Variants in CNTNAP2 observed in about 807,000 individuals in gnomAD.
CNTNAP2 encodes the protein contactin-associated protein-like 2.
Under a neutral mutation model 155.2 loss-of-function variants are expected in CNTNAP2, and 98 were observed. The observed-to-expected ratio is 0.63, with a 90% CI of 0.54 to 0.75. CNTNAP2 has a LOEUF of 0.75. Ranked by LOEUF, CNTNAP2 falls within the 30% of genes least tolerant of loss-of-function variation. The probability of loss-of-function intolerance (pLI) is 0.00; values close to 1 mark genes in which losing one functional copy is unlikely to be tolerated. For missense variants in CNTNAP2, 1,727 were observed against 1,688.1 expected (o/e 1.02, Z -0.40); for synonymous variants, 651 against 631.2 (o/e 1.03, Z -0.47).
intron 11 of CNTNAP2, among the ~76,000 whole-genome samples, chr7:147,511,750 C>CA (rs1403206585): frequency 1.3e-5 from 2 of 151,818 alleles, no homozygotes; most frequent in Non-Finnish European, 2.9e-5. Flanking sequence ...AACAAAACGA[C>CA]AAAGATCAGA....
At chr7:148,179,749 GGA>G (rs1164902709) in intron 18 of CNTNAP2, among the ~76,000 whole-genome samples, 3 of 150,724 alleles carry the variant, frequency 2.0e-5, no homozygotes, top group African/African-American at 7.3e-5. Context: ...AAGGAAGGAA[GGA>G]GAGAGAGAGA....
chr7:147,259,795 A>G (rs1292385390), intron 8 of CNTNAP2, among the ~76,000 whole-genome samples: 1 of 152,246 alleles, frequency 6.6e-6, no homozygotes, highest in Non-Finnish European at 1.5e-5. Flanking sequence ...AATTTAAAAC[A>G]CCTAGAGAAG....
chr7:148,245,847 A>G (rs1796252573), intron 20 of CNTNAP2, among the ~76,000 whole-genome samples: 1 of 152,152 alleles, frequency 6.6e-6, no homozygotes, highest in Non-Finnish European at 1.5e-5. Flanking sequence ...GTCACAAAAG[A>G]AGCGAATGTC....
At chr7:147,579,362 A>G (rs1000097295) in intron 12 of CNTNAP2, among the ~76,000 whole-genome samples, 1 of 152,172 alleles carries the variant, frequency 6.6e-6, no homozygotes, top group African/African-American at 2.4e-5. Flanking sequence ...CTTATGTTTC[A>G]GGCATAGGTA....
chr7:148,233,327 A>C (rs1341099373), intron 20 of CNTNAP2, among the ~76,000 whole-genome samples: 1 of 151,984 alleles, frequency 6.6e-6, no homozygotes, highest in African/African-American at 2.4e-5. Flanking sequence ...AAGGGATCTA[A>C]GGGGGTTTAC....
intron 3 of CNTNAP2, among the ~76,000 whole-genome samples, chr7:146,929,526 G>C (rs1043111724): frequency 6.6e-6 from 1 of 152,186 alleles, no homozygotes; most frequent in Non-Finnish European, 1.5e-5. Context: ...CTGAAAAGCA[G>C]AGCGCCTCTC....
chr7:146,469,932 C>T (rs541901615), intron 1 of CNTNAP2, among the ~76,000 whole-genome samples: 117 of 151,494 alleles, frequency 7.7e-4, no homozygotes, highest in African/African-American at 2.6e-3. Context: ...CTCCGCCTCA[C>T]GGGTTCACGC....
chr7:148,411,556 G>A (rs777793408), intron 23 of CNTNAP2, among the ~76,000 whole-genome samples: 4 of 152,094 alleles, frequency 2.6e-5, no homozygotes, highest in South Asian at 2.1e-4. Context: ...GTGAGCCACC[G>A]TGCCCGGCCC....
At chr7:146,631,296 C>A (rs1799507259) in intron 1 of CNTNAP2, among the ~76,000 whole-genome samples, 1 of 152,058 alleles carries the variant, frequency 6.6e-6, no homozygotes, top group Non-Finnish European at 1.5e-5. Flanking sequence ...TTGAAATGGT[C>A]AATTGAAATC....
At chr7:146,354,459 G>A (rs1030710916) in intron 1 of CNTNAP2, among the ~76,000 whole-genome samples, 10 of 137,316 alleles carry the variant, frequency 7.3e-5, no homozygotes, top group East Asian at 2.1e-4. Flanking sequence ...CTGTCGCCCC[G>A]CCTGGAGTGC....
intron 3 of CNTNAP2, among the ~76,000 whole-genome samples, chr7:146,882,710 G>A (rs967618494): frequency 9.2e-5 from 14 of 152,162 alleles, no homozygotes; most frequent in African/African-American, 3.4e-4. Flanking sequence ...TAATGGGATT[G>A]CTGAGCTGAA....
At chr7:146,856,132 C>G (rs1204953202) in intron 3 of CNTNAP2, among the ~76,000 whole-genome samples, 1 of 151,704 alleles carries the variant, frequency 6.6e-6, no homozygotes, top group African/African-American at 2.4e-5. Context: ...TTGGTCAAAC[C>G]TGGACAATTT....
intron 9 of CNTNAP2, among the ~76,000 whole-genome samples, chr7:147,363,087 G>A (rs980393609): frequency 6.6e-6 from 1 of 152,160 alleles, no homozygotes; most frequent in African/African-American, 2.4e-5. Context: ...TGTGGCTCAG[G>A]TGATAGCATC....
At chr7:146,175,948 T>A (rs1467170788) in intron 1 of CNTNAP2, among the ~76,000 whole-genome samples, 1 of 152,214 alleles carries the variant, frequency 6.6e-6, no homozygotes, top group Non-Finnish European at 1.5e-5. Flanking sequence ...ATGTCCCTAG[T>A]GGGAGCTATG....
chr7:146,790,285 C>A (rs1802647377), intron 2 of CNTNAP2, among the ~76,000 whole-genome samples: 1 of 152,156 alleles, frequency 6.6e-6, no homozygotes, highest in African/African-American at 2.4e-5. Context: ...GCACAAAATA[C>A]TTTTGGTTTT....
chr7:146,960,656 AGTT>A (rs1275907746), intron 3 of CNTNAP2, among the ~76,000 whole-genome samples: 1 of 152,258 alleles, frequency 6.6e-6, no homozygotes, highest in African/African-American at 2.4e-5. Context: ...TGAAAATATT[AGTT>A]GTTCTTTATA....
chr7:148,167,032 C>T (rs1206665634), intron 17 of CNTNAP2, among the ~76,000 whole-genome samples: 2 of 152,096 alleles, frequency 1.3e-5, no homozygotes, highest in African/African-American at 4.8e-5. Context: ...TCAGGGACTA[C>T]CTAAGCAAGA....
intron 2 of CNTNAP2, among the ~76,000 whole-genome samples, chr7:146,781,844 G>A (rs779618723): frequency 6.6e-6 from 1 of 152,060 alleles, no homozygotes; most frequent in Non-Finnish European, 1.5e-5. Flanking sequence ...TAGAACTGCA[G>A]CTGATATACT....
intron 2 of CNTNAP2, among the ~76,000 whole-genome samples, chr7:146,826,849 T>TAGAGAGAG (rs1338280578): frequency 5.6e-5 from 8 of 142,606 alleles, no homozygotes; most frequent in African/African-American, 2.4e-4. Context: ...TATATATATA[T>TAGAGAGAG]ATATATATAG....
Sources: allele counts gnomAD v4.1 joint callset (sites outside exome capture counted in the v4.1 genomes callset), GRCh38; gene constraint gnomAD v4.1.1; transcripts MANE v1.5; gene names NCBI Gene and HGNC (gene_info 2026-07-23, HGNC 2026-07-21).